Variants in GRM8 observed in about 807,000 individuals in gnomAD.
The protein encoded by GRM8 is glutamate metabotropic receptor 8, also known as metabotropic glutamate receptor 8.
A neutral mutation model predicts 87.2 loss-of-function variants in GRM8; 47 were observed. That is an observed-to-expected ratio of 0.54 (90% CI 0.43 to 0.69). The LOEUF (loss-of-function observed/expected upper bound fraction) is 0.69. GRM8 is among the 30% of genes least tolerant of loss of function. The pLI, the probability that GRM8 is intolerant of heterozygous loss-of-function variation, is 0.00. For missense variants in GRM8, 1,019 were observed against 1,139.2 expected (o/e 0.89, Z 1.52); for synonymous variants, 396 against 404.5 (o/e 0.98, Z 0.25).
chr7:127,002,949 C>A (rs1010623360), intron 3 of GRM8, among the ~76,000 whole-genome samples: 2 of 151,570 alleles, frequency 1.3e-5, no homozygotes, highest in Non-Finnish European at 3.0e-5. Context: ...GTCAAATTCC[C>A]AGAGGTCTGG....
intron 9 of GRM8, among the ~76,000 whole-genome samples, chr7:126,501,532 T>C (rs755592526): frequency 6.6e-5 from 10 of 151,692 alleles, no homozygotes; most frequent in African/African-American, 1.9e-4. Context: ...GAAAAGACAA[T>C]AGAAGAAAAG....
chr7:126,453,418 C>A (rs893904270), intron 9 of GRM8, among the ~76,000 whole-genome samples: 1 of 151,626 alleles, frequency 6.6e-6, no homozygotes, highest in African/African-American at 2.4e-5. Flanking sequence ...TCAAAAGCTA[C>A]GAATAAAGAA....
chr7:127,013,984 G>C (rs1490280662), intron 3 of GRM8, among the ~76,000 whole-genome samples: 1 of 152,180 alleles, frequency 6.6e-6, no homozygotes, highest in African/African-American at 2.4e-5. Context: ...GTGGCTGAAA[G>C]GTCCAAATGA....
intron 8 of GRM8, among the ~76,000 whole-genome samples, chr7:126,607,305 A>G (rs1191410008): frequency 2.0e-5 from 3 of 152,262 alleles, no homozygotes; most frequent in Non-Finnish European, 4.4e-5. Context: ...CTGTCTGTGC[A>G]TTATTAAATG....
chr7:126,978,451 T>G (rs1244632049), intron 3 of GRM8, among the ~76,000 whole-genome samples: 1 of 152,202 alleles, frequency 6.6e-6, no homozygotes, highest in Non-Finnish European at 1.5e-5. Flanking sequence ...CATGCTCAAA[T>G]ATCCTAATAA....
At chr7:126,543,256 A>C (rs1816746653) in intron 8 of GRM8, among the ~76,000 whole-genome samples, 2 of 152,210 alleles carry the variant, frequency 1.3e-5, no homozygotes, top group African/African-American at 4.8e-5. Flanking sequence ...ATTCCTAAGA[A>C]TCACTTAAGG....
intron 3 of GRM8, among the ~76,000 whole-genome samples, chr7:127,033,393 C>G (rs1017983474): frequency 9.2e-5 from 14 of 151,874 alleles, no homozygotes; most frequent in Admixed American, 3.3e-4. Flanking sequence ...CAGATTAGGA[C>G]ACCTATATCT....
At chr7:126,777,470 C>A (rs1455647039) in intron 6 of GRM8, among the ~76,000 whole-genome samples, 1 of 152,090 alleles carries the variant, frequency 6.6e-6, no homozygotes, top group Non-Finnish European at 1.5e-5. Flanking sequence ...TGTGAAATTT[C>A]CTTTGATTCT....
At position 126,611,434 on chromosome 7, in the gene GRM8, T is replaced by C. The variant is rs547310103; in HGVS notation, c.1358-1936A>G. 1.3e-4 allele frequency among the ~76,000 whole-genome samples: 20 copies of C among 152,324 alleles called. No homozygotes were observed. The South Asian group carries it at 3.5e-3, about 27-fold the overall frequency. ...TTTACTTTCAGTACACACCAACACA[T>C]AGTAATAGAAAGGATGTTGAAAGTT... On this transcript the variant is annotated intron_variant, in intron 7 of 10. Transcript: ENST00000339582.
intron 7 of GRM8, among the ~76,000 whole-genome samples, chr7:126,697,269 C>A (rs752257497): frequency 7.3e-5 from 11 of 150,972 alleles, no homozygotes; most frequent in Non-Finnish European, 1.2e-4. Context: ...TCAATGGGTA[C>A]AAAGTTGCAG....
chr7:126,896,738 C>T (rs1303243081), intron 6 of GRM8, among the ~76,000 whole-genome samples: 3 of 152,094 alleles, frequency 2.0e-5, no homozygotes, highest in South Asian at 2.1e-4. Context: ...TTTCCATTAC[C>T]GCTATTTCTA....
intron 8 of GRM8, among the ~76,000 whole-genome samples, chr7:126,577,445 T>C (rs767428756): frequency 9.9e-5 from 15 of 152,066 alleles, no homozygotes; most frequent in Non-Finnish European, 1.8e-4. Context: ...TAACAAAATT[T>C]CCCTCTAACT....
chr7:127,093,495 C>G (rs1031674736), intron 3 of GRM8, among the ~76,000 whole-genome samples: 6 of 152,156 alleles, frequency 3.9e-5, no homozygotes, highest in Admixed American at 6.5e-5. Flanking sequence ...TCTGAACAAC[C>G]CTATTTCCCT....
intron 3 of GRM8, among the ~76,000 whole-genome samples, chr7:126,932,815 T>C (rs1411848892): frequency 6.6e-6 from 1 of 152,140 alleles, no homozygotes; most frequent in Non-Finnish European, 1.5e-5. Context: ...TCAAAAGAAC[T>C]CTCAGAAATG....
intron 7 of GRM8, among the ~76,000 whole-genome samples, chr7:126,636,953 T>C (rs6972255): frequency 0.016 from 2,375 of 152,194 alleles, 47 homozygotes; most frequent in African/African-American, 0.042. Flanking sequence ...ATAGCAATGA[T>C]GTTATTAAAA....
intron 6 of GRM8, among the ~76,000 whole-genome samples, chr7:126,808,069 A>G (rs1303669203): frequency 1.3e-5 from 2 of 152,232 alleles, no homozygotes; most frequent in Non-Finnish European, 2.9e-5. Context: ...CTATAATTCA[A>G]TCATGCAAAC....
At chr7:127,022,100 T>C (rs370796013) in intron 3 of GRM8, among the ~76,000 whole-genome samples, 5 of 152,186 alleles carry the variant, frequency 3.3e-5, no homozygotes, top group East Asian at 3.9e-4. Flanking sequence ...TAGTAAGCCA[T>C]AGTTAAAACT....
intron 9 of GRM8, among the ~76,000 whole-genome samples, chr7:126,462,467 G>A (rs1167290583): frequency 6.6e-6 from 1 of 151,532 alleles, no homozygotes; most frequent in Non-Finnish European, 1.5e-5. Flanking sequence ...ATAGACGTTT[G>A]TGGATGGCAT....
intron 7 of GRM8, among the ~76,000 whole-genome samples, chr7:126,621,147 C>A (rs968930406): frequency 6.6e-6 from 1 of 152,140 alleles, no homozygotes; most frequent in African/African-American, 2.4e-5. Context: ...TTTCCTTATC[C>A]AATTTACTTT....
Sources: allele counts gnomAD v4.1 joint callset (sites outside exome capture counted in the v4.1 genomes callset), GRCh38; gene constraint gnomAD v4.1.1; transcripts MANE v1.5; gene names NCBI Gene and HGNC (gene_info 2026-07-23, HGNC 2026-07-21).